MIA2: variants seen among roughly 807,000 people sequenced by gnomAD.
MIA2 encodes MIA SH3 domain ER export factor 2.
A neutral mutation model predicts 167.8 loss-of-function variants in MIA2; 127 were observed. That is an observed-to-expected ratio of 0.76 (90% confidence interval 0.66 to 0.88). MIA2 has a LOEUF of 0.88. Among genes scored for constraint, MIA2 ranks in the 40% least tolerant of loss-of-function variants. The probability of loss-of-function intolerance (pLI) is 0.00; values close to 1 mark genes in which losing one functional copy is unlikely to be tolerated. For synonymous variants in MIA2, 552 were observed against 541.9 expected (o/e 1.02, Z -0.26); for missense variants, 1,690 against 1,624.7 (o/e 1.04, Z -0.69).
intron 13 of MIA2, 65 bp from the exon 14 acceptor site, chr14:39,299,799 C>A: frequency 1.3e-6 from 2 of 1,521,992 alleles, no homozygotes; most frequent in South Asian, 2.5e-5. Context: ...TACATAATGC[C>A]TTCTTGGTAT....
In MIA2 at chr14:39,267,677, C is replaced by G. The variant is rs1467689502; in HGVS notation, c.1888-9257C>G. ...GCCCGGCTCCCGCCCGTGTTCGAGG[C>G]AGTAGTTAGGCTCGTAGGGCGCTTG... On this transcript the variant is annotated intron_variant, in intron 6 of 28. Coordinates refer to ENST00000640607, the MANE Select transcript of MIA2 (RefSeq NM_001329214.4). Among the ~76,000 whole-genome samples the G allele has an allele frequency of 2.0e-5, 3 of 152,186 alleles. No homozygotes were observed. The East Asian group carries it at 5.8e-4, about 29-fold the overall frequency.
At chr14:39,328,631 T>G (rs1438283922) in intron 25 of MIA2, among the ~76,000 whole-genome samples, 1 of 152,176 alleles carries the variant, frequency 6.6e-6, no homozygotes, top group African/African-American at 2.4e-5. Context: ...CCATCTTGAG[T>G]TGATTTTTGT....
chr14:39,257,150 T>C (rs2152646104), intron 6 of MIA2, among the ~76,000 whole-genome samples: 1 of 152,332 alleles, frequency 6.6e-6, no homozygotes, highest in South Asian at 2.1e-4. Context: ...GTTAATTTTC[T>C]GTCTCGTTGA....
chr14:39,282,837 T>C (rs1354075842), intron 9 of MIA2, among the ~76,000 whole-genome samples: 1 of 152,154 alleles, frequency 6.6e-6, no homozygotes, highest in African/African-American at 2.4e-5. Flanking sequence ...CCTCCCAAAT[T>C]GTTGGGATTA....
chr14:39,386,188 G>T, intron 23 of MIA2: 1 of 1,396,752 alleles, frequency 7.2e-7, no homozygotes, highest in Non-Finnish European at 1.0e-6. Context: ...CCTTGCTGGG[G>T]GTAAGGCTAA....
intron 14 of MIA2, 44 bp downstream of exon 14, chr14:39,300,030 T>C: frequency 1.3e-6 from 2 of 1,567,634 alleles, no homozygotes; most frequent in Non-Finnish European, 1.7e-6. Flanking sequence ...GGCTAGAATT[T>C]TACACTAACT....
chr14:39,313,282 T>C lies in MIA2; in HGVS notation c.3018-58T>C, dbSNP rs115671523. ...ACCAGTTTTTTCACAATTAAAAATA[T>C]AGAATTGATTATCTTTTGACATGTA... On this transcript the variant is annotated intron_variant, in intron 18 of 28. Transcript: ENST00000640607. 2.5e-3 allele frequency: 2,110 copies of C among 850,352 alleles called. 36 individuals carry two copies. In the African/African-American group the frequency reaches 0.035, roughly 14 times the overall value. The allele number at this position is 850,352 out of a possible 1,614,324, so 52.7% of individuals were successfully genotyped here. A position where few individuals can be genotyped will look rare whatever the true frequency, so the allele number is the denominator to read the frequency against.
chr14:39,304,507 C>G lies in MIA2; in HGVS notation c.2878+126C>G, dbSNP rs567212737. 6.6e-5 allele frequency: 33 copies of G among 501,766 alleles called. 1 individual carries two copies. Among genetic ancestry groups the G allele is most frequent in the Middle Eastern group, 3.3e-4 (1 of 3,022 alleles). The allele number at this position is 501,766 out of a possible 1,614,324, so 31.1% of individuals were successfully genotyped here. ...TTTTATTTTTTTTTAACTTTTGTTCCTGTTGGGTATTTGTGAAACATTAGT... is the reference window on the plus strand; with the variant it reads ...TTTTATTTTTTTTTAACTTTTGTTCGTGTTGGGTATTTGTGAAACATTAGT... On this transcript the variant is annotated intron_variant, in intron 17 of 28. Coordinates refer to ENST00000640607, the MANE Select transcript of MIA2 (RefSeq NM_001329214.4).
rs904679637 is a variant in MIA2, at chr14:39,380,977, A to G, written c.2249-5908A>G. On this transcript the variant is annotated intron_variant, in intron 23 of 23. Coordinates refer to the MIA2 transcript ENST00000341502. ...CTCTAAACTATGTCCTTTCTTAAAC[A>G]CCCAAGAGCAGCCCCTGTGGTAATA... Among the ~76,000 whole-genome samples the G allele has an allele frequency of 2.7e-5, 4 of 150,610 alleles. No individual in the cohort carries two copies. The East Asian group carries it at 7.8e-4, about 30-fold the overall frequency.
chr14:39,378,291 T>C (rs1307323008), intron 23 of MIA2, among the ~76,000 whole-genome samples: 1 of 152,214 alleles, frequency 6.6e-6, no homozygotes, highest in Non-Finnish European at 1.5e-5. Flanking sequence ...TAAAAGATTA[T>C]TTCCAGTCTG....
chr14:39,243,002 A>T (rs2054120937), intron 3 of MIA2, among the ~76,000 whole-genome samples: 1 of 151,998 alleles, frequency 6.6e-6, no homozygotes, highest in South Asian at 2.1e-4. Flanking sequence ...GCACGCCTGT[A>T]ATCCCAGCTA....
intron 15 of MIA2, among the ~76,000 whole-genome samples, chr14:39,302,933 G>A (rs2062768841): frequency 6.6e-6 from 1 of 151,924 alleles, no homozygotes; most frequent in Non-Finnish European, 1.5e-5. Flanking sequence ...CTCTTCCCCA[G>A]CCCCTGCATA....
chr14:39,287,335 A>C (rs533697063), intron 9 of MIA2, among the ~76,000 whole-genome samples: 16 of 152,172 alleles, frequency 1.1e-4, no homozygotes, highest in Admixed American at 7.2e-4. Context: ...TCAGCCTCCC[A>C]AAGTGCTGGG....
In MIA2 at chr14:39,348,673, G is replaced by T. The variant is rs552987270; in HGVS notation, c.3838-70G>T. On this transcript the variant is annotated intron_variant, in intron 27 of 28. Transcript: ENST00000640607. ...TTTCTGTCTAGATGATTTCTTCTAA[G>T]CCTGAGATTTTCGGGAAAATGATTG... 7.6e-6 allele frequency: 12 copies of T among 1,577,914 alleles called. No individual in the cohort carries two copies. The South Asian group carries it at 1.2e-4, about 16-fold the overall frequency.
At chr14:39,365,658 TC>T in intron 23 of MIA2, among the ~76,000 whole-genome samples, 1 of 27,548 alleles carries the variant, frequency 3.6e-5, no homozygotes, top group Non-Finnish European at 5.9e-5. Context: ...TACCTATCTA[TC>T]TATCTATCTA....
intron 23 of MIA2, among the ~76,000 whole-genome samples, chr14:39,379,256 A>G (rs1430660032): frequency 6.6e-6 from 1 of 151,988 alleles, no homozygotes; most frequent in Non-Finnish European, 1.5e-5. Flanking sequence ...TGTTTAATTT[A>G]TAGAGAAACT....
At chr14:39,379,474 C>A (rs984958758) in intron 23 of MIA2, among the ~76,000 whole-genome samples, 3 of 152,220 alleles carry the variant, frequency 2.0e-5, no homozygotes, top group African/African-American at 7.2e-5. Flanking sequence ...CTAAGGCAAA[C>A]TCCCCTCTCC....
At chr14:39,313,778 A>G (rs2064807678) in intron 19 of MIA2, among the ~76,000 whole-genome samples, 1 of 152,144 alleles carries the variant, frequency 6.6e-6, no homozygotes, top group Admixed American at 6.5e-5. Context: ...GTTCAAATTG[A>G]GAAGAATGTA....
rs373046158 is a variant in MIA2, at chr14:39,307,390, A to ATTTTTTT, written c.2879-1037_2879-1031dup. Reference sequence around the variant, plus strand: ...ATAAATAATAACAAAAGTTAAAAGAATTTTTTTTTTTTTTTTTTTTTTTTT... The same window carrying ATTTTTTT: ...ATAAATAATAACAAAAGTTAAAAGAATTTTTTTTTTTTTTTTTTTTTTTTTTTTTTTT... On this transcript the variant is annotated intron_variant, in intron 17 of 28. Transcript: ENST00000640607. Among the ~76,000 whole-genome samples the ATTTTTTT allele has an allele frequency of 2.6e-3, 173 of 67,526 alleles. 1 individual carries two copies. The highest frequency in any genetic ancestry group is 7.8e-3 in the African/African-American group (159 of 20,482). The allele number at this position is 67,526 out of a possible 152,430, so 44.3% of individuals were successfully genotyped here.
Sources: allele counts gnomAD v4.1 joint callset (sites outside exome capture counted in the v4.1 genomes callset), GRCh38; gene constraint gnomAD v4.1.1; transcripts MANE v1.5; gene names NCBI Gene and HGNC (gene_info 2026-07-23, HGNC 2026-07-21).